VXN: variants seen among roughly 807,000 people sequenced by gnomAD.
The protein encoded by VXN is vexin.
VXN carries 7 observed loss-of-function variants against 23.1 expected under a neutral mutation model. That is an observed-to-expected ratio of 0.30 (90% CI 0.17 to 0.57). The LOEUF (loss-of-function observed/expected upper bound fraction) is 0.57, where lower values mean the gene tolerates loss of function less well. Ranked by LOEUF, VXN falls within the 20% of genes least tolerant of loss-of-function variation. VXN has a pLI of 0.91. For missense variants in VXN, 238 were observed against 272.6 expected (o/e 0.87, Z 0.89); for synonymous variants, 120 against 105.8 (o/e 1.13, Z -0.83).
chr8:66,494,274 G>A (rs1292231745), intron 1 of VXN, among the ~76,000 whole-genome samples: 1 of 152,166 alleles, frequency 6.6e-6, no homozygotes, highest in Non-Finnish European at 1.5e-5. Context: ...CAGAGAATGC[G>A]ACACGAGAGT....
At chr8:66,499,559 T>A (rs1586516265) in intron 2 of VXN, among the ~76,000 whole-genome samples, 1 of 151,586 alleles carries the variant, frequency 6.6e-6, no homozygotes, top group East Asian at 2.0e-4. Context: ...TTGTTTTTTG[T>A]TTGTTTGTTT....
At chr8:66,514,801 T>A (rs928848318) in intron 5 of VXN, among the ~76,000 whole-genome samples, 1 of 152,170 alleles carries the variant, frequency 6.6e-6, no homozygotes, top group African/African-American at 2.4e-5. Context: ...GAAACTTATC[T>A]AGTAGTTGGG....
intron 4 of VXN, among the ~76,000 whole-genome samples, chr8:66,511,330 C>G (rs992156696): frequency 1.1e-4 from 16 of 152,260 alleles, no homozygotes; most frequent in African/African-American, 3.4e-4. Flanking sequence ...ATGTGAGAAC[C>G]GGAAGAGACC....
At chr8:66,509,199 G>A (rs1340407681) in intron 3 of VXN, among the ~76,000 whole-genome samples, 1 of 152,122 alleles carries the variant, frequency 6.6e-6, no homozygotes, top group East Asian at 1.9e-4. Flanking sequence ...TTGTGGAAGG[G>A]GAGTTATTTC....
At position 66,516,081 on chromosome 8, in the gene VXN, G is replaced by C. The variant is rs200736847; in HGVS notation, c.*5G>C. 2.5e-6 allele frequency: 4 copies of C among 1,600,330 alleles called. No homozygotes were observed. The East Asian group carries it at 6.7e-5, about 27-fold the overall frequency. On this transcript the variant is annotated 3_prime_UTR_variant, in exon 6 of 6. Coordinates refer to ENST00000305454, the MANE Select transcript of VXN (RefSeq NM_152765.4). ...AGCGCCTTTGAGGCCGACTAAAGGTGACCCTCTTCAAGTGCCCTGTGTTGG... is the reference window on the plus strand; with the variant it reads ...AGCGCCTTTGAGGCCGACTAAAGGTCACCCTCTTCAAGTGCCCTGTGTTGG...
chr8:66,508,896 G>T lies in VXN; in HGVS notation c.281-1200G>T, dbSNP rs560818731. Among the ~76,000 whole-genome samples the T allele has an allele frequency of 3.3e-5, 5 of 152,350 alleles. No homozygotes were observed. The East Asian group carries it at 9.6e-4, about 29-fold the overall frequency. On this transcript the variant is annotated intron_variant, in intron 3 of 5. Coordinates refer to ENST00000305454, the MANE Select transcript of VXN (RefSeq NM_152765.4). The stretch of plus-strand genomic sequence containing the variant: ...TGTGGTCCCAGCTACTCTGGAAGCT[G>T]AGGTAGGAGAATTGATTGAGCTCAG...
chr8:66,513,677 C>A, intron 5 of VXN, 40 bp downstream of exon 5: 1 of 1,543,630 alleles, frequency 6.5e-7, no homozygotes, highest in Non-Finnish European at 9.0e-7. Context: ...TGTGGCCTCC[C>A]ACTGTCCTGA....
intron 2 of VXN, among the ~76,000 whole-genome samples, chr8:66,499,465 T>C (rs1807665789): frequency 6.6e-6 from 1 of 152,086 alleles, no homozygotes. Flanking sequence ...ACTCTTGGAC[T>C]CAAGTGATCC....
rs563098654 is a variant in VXN, at chr8:66,495,882, T to A, written c.71-555T>A. On this transcript the variant is annotated intron_variant, in intron 1 of 5. Transcript: ENST00000305454. ...CTAGCACTTCTTCATTATCCCAAACTAAAACTCTGAATCCGTTGAACACTA... is the reference window on the plus strand; with the variant it reads ...CTAGCACTTCTTCATTATCCCAAACAAAAACTCTGAATCCGTTGAACACTA... Among the ~76,000 whole-genome samples the A allele has an allele frequency of 3.3e-5, 5 of 152,308 alleles. No homozygotes were observed. The East Asian group carries it at 9.6e-4, about 29-fold the overall frequency.
At chr8:66,510,697 G>A (rs569583507) in intron 4 of VXN, among the ~76,000 whole-genome samples, 37 of 152,298 alleles carry the variant, frequency 2.4e-4, no homozygotes, top group African/African-American at 7.0e-4. Context: ...GACTGGCGAC[G>A]GCTCTCTTTC....
intron 1 of VXN, among the ~76,000 whole-genome samples, chr8:66,494,313 A>G (rs972092903): frequency 6.6e-6 from 1 of 152,176 alleles, no homozygotes; most frequent in African/African-American, 2.4e-5. Context: ...TGTGGTCCTC[A>G]GTGAACGGTG....
intron 4 of VXN, chr8:66,510,381 T>G: frequency 2.0e-6 from 1 of 504,406 alleles, no homozygotes; most frequent in Middle Eastern, 3.2e-4. Flanking sequence ...TGTGAGAAAT[T>G]CCGCTCTTAG....
chr8:66,505,383 C>G lies in VXN; in HGVS notation c.135C>G (p.Ile45Met), dbSNP rs748984874. ...SQHLLTKNVV[I>M]ESDLYTHQPL... Reference sequence around the variant, plus strand: ...TTTCCCCCGCCCGGCAGGTGGTGATCGAGTCGGACCTGTACACGCACCAGC... The same window carrying G: ...TTTCCCCCGCCCGGCAGGTGGTGATGGAGTCGGACCTGTACACGCACCAGC... Residue 45 changes from isoleucine to methionine, a missense_variant, in exon 3 of 6, where the codon ATC becomes ATG. Around this residue, in one of 2 missense-constraint regions of VXN, gnomAD observed 223 missense variants for 236.9 expected, o/e 0.94. Coordinates refer to ENST00000305454, the MANE Select transcript of VXN (RefSeq NM_152765.4). 6.3e-7 allele frequency: 1 copy of G among 1,580,316 alleles called. No homozygotes were observed. The highest frequency in any genetic ancestry group is 8.6e-7 in the Non-Finnish European group (1 of 1,164,076).
At chr8:66,513,791 A>C in intron 5 of VXN, 154 bp downstream of exon 5, 1 of 594,864 alleles carries the variant, frequency 1.7e-6, no homozygotes, top group Non-Finnish European at 3.0e-6. Context: ...GAGGCCAATA[A>C]TCCTGGGTCT....
At chr8:66,495,775 AT>A (rs1352095347) in intron 1 of VXN, among the ~76,000 whole-genome samples, 1 of 152,192 alleles carries the variant, frequency 6.6e-6, no homozygotes, top group African/African-American at 2.4e-5. Context: ...AAAATGTACC[AT>A]TTTAAAAACT....
intron 1 of VXN, among the ~76,000 whole-genome samples, chr8:66,493,971 A>G (rs900281803): frequency 2.0e-5 from 3 of 152,208 alleles, no homozygotes; most frequent in Admixed American, 6.5e-5. Context: ...CAGTACCAAC[A>G]GTCCAGTACA....
intron 2 of VXN, among the ~76,000 whole-genome samples, chr8:66,502,184 T>A (rs1807699305): frequency 6.6e-6 from 1 of 152,162 alleles, no homozygotes; most frequent in Non-Finnish European, 1.5e-5. Context: ...CAGTCTTTAA[T>A]TTTTTTAATT....
intron 3 of VXN, 97 bp from the exon 4 acceptor site, chr8:66,509,999 G>T (rs1480010753): frequency 8.6e-7 from 1 of 1,166,774 alleles, no homozygotes; most frequent in African/African-American, 1.5e-5. Flanking sequence ...AAATTCCCTG[G>T]CGTGGTTGAT....
chr8:66,516,096 C>T lies in VXN; in HGVS notation c.*20C>T, dbSNP rs780707495. ...GACTAAAGGTGACCCTCTTCAAGTG[C>T]CCTGTGTTGGCCAAGGTTCCCCGGA... On this transcript the variant is annotated 3_prime_UTR_variant, in exon 6 of 6. Coordinates refer to ENST00000305454, the MANE Select transcript of VXN (RefSeq NM_152765.4). 1 of 1,579,644 alleles carries T rather than the reference C, an allele frequency of 6.3e-7. No homozygotes were observed. Among genetic ancestry groups the T allele is most frequent in the Non-Finnish European group, 8.6e-7 (1 of 1,167,096 alleles).
Sources: gnomAD v4.1 joint callset for allele counts (sites outside exome capture counted in the v4.1 genomes callset) on GRCh38, gnomAD v4.1.1 for gene constraint, gnomAD v4.1.1 regional missense constraint, MANE v1.5 for transcripts, NCBI Gene and HGNC (gene_info 2026-07-23, HGNC 2026-07-21) for gene names.